Variants in ICAM2 observed in about 807,000 individuals in gnomAD.
ICAM2 encodes ICAM-2.
In ICAM2, 14 loss-of-function variants were observed where a neutral mutation model predicts 19.1. The ratio of observed to expected loss-of-function variants is 0.73; its 90% CI spans 0.48 to 1.15. ICAM2 has a LOEUF of 1.15. Ranked by LOEUF, ICAM2 falls within the 50% of genes most tolerant of loss-of-function variation. The pLI, the probability that ICAM2 is intolerant of heterozygous loss-of-function variation, is 0.00. For synonymous variants in ICAM2, 153 were observed against 152.7 expected (o/e 1.00, Z -0.01); for missense variants, 311 against 355.4 (o/e 0.88, Z 1.00).
rs150242196 is a variant in ICAM2 at position 64,015,195 on chromosome 17, A to G, written c.-45+5328T>C. Among the ~76,000 whole-genome samples the G allele has an allele frequency of 6.9e-4, 105 of 152,360 alleles. 1 individual carries two copies. The highest frequency in any genetic ancestry group is 2.5e-3 in the African/African-American group (103 of 41,584). On this transcript the variant is annotated intron_variant, in intron 1 of 4. Coordinates refer to ENST00000579788, the MANE Select transcript of ICAM2 (RefSeq NM_001099789.2). ...GGAAAAATTTCTGGAGATGGGTTGC[A>G]AAACAATGAGAACATACTTAGCATT...
chr17:64,011,746 A>G (rs1023916607), intron 1 of ICAM2, among the ~76,000 whole-genome samples: 1 of 152,156 alleles, frequency 6.6e-6, no homozygotes, highest in African/African-American at 2.4e-5. Flanking sequence ...AAAAACAATA[A>G]TAATACTTTT....
At chr17:64,012,877 G>A (rs910791876) in intron 1 of ICAM2, among the ~76,000 whole-genome samples, 29 of 152,128 alleles carry the variant, frequency 1.9e-4, no homozygotes, top group African/African-American at 6.8e-4. Flanking sequence ...ATACTGAATA[G>A]TGACTCTACA....
chr17:64,015,984 A>G (rs1326177853), intron 1 of ICAM2, among the ~76,000 whole-genome samples: 2 of 152,186 alleles, frequency 1.3e-5, no homozygotes, highest in African/African-American at 4.8e-5. Flanking sequence ...ATAGGCATAC[A>G]GCACTGTGCC....
intron 1 of ICAM2, among the ~76,000 whole-genome samples, chr17:64,017,538 G>A (rs1471089009): frequency 6.6e-6 from 1 of 152,124 alleles, no homozygotes; most frequent in African/African-American, 2.4e-5. Context: ...CTGATCTATA[G>A]GGTCAGTGCA....
chr17:64,019,681 G>C (rs896678414), intron 1 of ICAM2, among the ~76,000 whole-genome samples: 1 of 151,900 alleles, frequency 6.6e-6, no homozygotes, highest in Non-Finnish European at 1.5e-5. Flanking sequence ...GGGCATGGTG[G>C]CATGCGCACC....
intron 3 of ICAM2, 28 bp from the exon 4 acceptor site, chr17:64,003,992 G>A: frequency 6.5e-7 from 1 of 1,546,294 alleles, no homozygotes; most frequent in African/African-American, 1.4e-5. Flanking sequence ...GGGAGGTCTG[G>A]TCAGGATGGG....
chr17:64,003,625 T>A lies in ICAM2; in HGVS notation c.649+19A>T. The A allele has an allele frequency of 2.5e-6, 4 of 1,601,598 alleles. No homozygotes were observed. Among genetic ancestry groups the A allele is most frequent in the Non-Finnish European group, 3.4e-6 (4 of 1,172,400 alleles). On this transcript the variant is annotated intron_variant, in intron 4 of 4. Coordinates refer to ENST00000579788, the MANE Select transcript of ICAM2 (RefSeq NM_001099789.2). ...AAGTGACTTATCACTCCCAACTCCA[T>A]CCACGGATCCCCCCTCACCATAGAT...
chr17:64,012,263 AACCAGCC>A (rs1598023618), intron 1 of ICAM2, among the ~76,000 whole-genome samples: 1 of 151,878 alleles, frequency 6.6e-6, no homozygotes, highest in East Asian at 1.9e-4. Flanking sequence ...AGGAGTTTGA[AACCAGCC>A]TGGACAACAT....
intron 1 of ICAM2, among the ~76,000 whole-genome samples, chr17:64,015,717 G>A (rs1911695396): frequency 6.6e-6 from 1 of 152,002 alleles, no homozygotes; most frequent in African/African-American, 2.4e-5. Context: ...TCTAGCCTAG[G>A]TAACAAAGTG....
chr17:64,019,946 A>T (rs1911881353), intron 1 of ICAM2, among the ~76,000 whole-genome samples: 1 of 152,014 alleles, frequency 6.6e-6, no homozygotes. Flanking sequence ...TATGTATGTT[A>T]CATAAGCTTT....
intron 1 of ICAM2, among the ~76,000 whole-genome samples, chr17:64,014,663 AAGAG>A (rs781248281): frequency 0.018 from 2,653 of 144,516 alleles, 79 homozygotes; most frequent in African/African-American, 0.065. Context: ...GAAAGGAAGA[AAGAG>A]AGAAAGAAAG....
At position 64,008,575 on chromosome 17, in the gene ICAM2, C is replaced by T. The variant is rs77715225; in HGVS notation, c.-44-1840G>A. Among the ~76,000 whole-genome samples the T allele has an allele frequency of 9.7e-3, 1,479 of 152,258 alleles. 14 individuals are homozygous for T. Among genetic ancestry groups the T allele is most frequent in the Middle Eastern group, 0.02 (6 of 294 alleles). On this transcript the variant is annotated intron_variant, in intron 1 of 4. Transcript: ENST00000579788. The stretch of plus-strand genomic sequence containing the variant: ...CACAGATGGGAAAACTGAGGCACGT[C>T]AAGGTTAAATGACTTGTTCAAGATC...
At chr17:64,020,015 G>A (rs112472160) in intron 1 of ICAM2, among the ~76,000 whole-genome samples, 51 of 152,138 alleles carry the variant, frequency 3.4e-4, no homozygotes, top group African/African-American at 1.0e-3. Flanking sequence ...GCCTTTCTAC[G>A]TGCCTAGAAA....
At chr17:64,008,532 C>T (rs1213786683) in intron 1 of ICAM2, among the ~76,000 whole-genome samples, 2 of 152,172 alleles carry the variant, frequency 1.3e-5, no homozygotes, top group African/African-American at 4.8e-5. Context: ...GAGGCAGGTA[C>T]TGTTACTGTC....
At chr17:64,014,360 AAAGAAAGAAAGAAAGAAAGG>A (rs1208451143) in intron 1 of ICAM2, among the ~76,000 whole-genome samples, 11 of 56,732 alleles carry the variant, frequency 1.9e-4, no homozygotes, top group African/African-American at 6.4e-4. Context: ...AGAAAGAAAG[AAAGAAAGAAAGAAAGAAAGG>A]AAGGAAGGAA....
At chr17:64,005,409 C>T (rs762707618) in intron 2 of ICAM2, 36 bp from the exon 3 acceptor site, 1 of 1,597,064 alleles carries the variant, frequency 6.3e-7, no homozygotes, top group East Asian at 2.2e-5. Flanking sequence ...TCGTGTCATC[C>T]CCCCACCCCC....
chr17:64,019,532 G>A (rs984746312), intron 1 of ICAM2, among the ~76,000 whole-genome samples: 5 of 151,904 alleles, frequency 3.3e-5, no homozygotes, highest in Admixed American at 2.6e-4. Flanking sequence ...TGGACAAGTG[G>A]TGGCCAGGTG....
chr17:64,014,334 A>AAG (rs1478789838), intron 1 of ICAM2, among the ~76,000 whole-genome samples: 1,300 of 36,020 alleles, frequency 0.036, 19 homozygotes, highest in East Asian at 0.063. Context: ...AAGGAAGGAA[A>AAG]GAAAGAAAGA....
intron 1 of ICAM2, among the ~76,000 whole-genome samples, chr17:64,019,942 T>C (rs1372905278): frequency 6.6e-6 from 1 of 151,778 alleles, no homozygotes; most frequent in East Asian, 1.9e-4. Context: ...TGTATATGTA[T>C]GTTACATAAG....
Sources: gnomAD v4.1 joint callset for allele counts (sites outside exome capture counted in the v4.1 genomes callset) on GRCh38, gnomAD v4.1.1 for gene constraint, MANE v1.5 for transcripts, NCBI Gene and HGNC (gene_info 2026-07-23, HGNC 2026-07-21) for gene names.